NHSL1: variants seen among roughly 807,000 people sequenced by gnomAD.
The protein encoded by NHSL1 is NHS like 1, also known as NHS-like protein 1.
Under a neutral mutation model 95.0 loss-of-function variants are expected in NHSL1, and 48 were observed. The ratio of observed to expected loss-of-function variants is 0.51; its 90% CI spans 0.40 to 0.64. The LOEUF is 0.64. NHSL1 is among the 30% of genes least tolerant of loss of function. NHSL1 has a pLI of 0.00. For missense variants in NHSL1, 1,971 were observed against 2,077.7 expected, an observed-to-expected ratio of 0.95 and a Z score of 1.00; for synonymous variants, 783 against 833.9, an observed-to-expected ratio of 0.94 and a Z score of 1.05.
chr6:138,661,891 T>C (rs985469239), intron 1 of NHSL1, among the ~76,000 whole-genome samples: 9 of 151,962 alleles, frequency 5.9e-5, no homozygotes, highest in African/African-American at 2.2e-4. Flanking sequence ...GGTAACAAAA[T>C]AAGACTCTGT....
upstream of NHSL1, among the ~76,000 whole-genome samples, chr6:138,573,066 GATCCTCCTCTGCCGT>G (rs1437115180): frequency 1.3e-5 from 2 of 152,120 alleles, no homozygotes; most frequent in African/African-American, 4.8e-5. Context: ...TGTGGGGCTG[GATCCTCCTCTGCCGT>G]ATCACTGGGA....
chr6:138,471,689 A>T (rs553500965), intron 3 of NHSL1, among the ~76,000 whole-genome samples: 1 of 152,216 alleles, frequency 6.6e-6, no homozygotes, highest in African/African-American at 2.4e-5. Flanking sequence ...GCACAGCAGG[A>T]TGACTACAAT....
chr6:138,455,484 TCCC>T, intron 3 of NHSL1, among the ~76,000 whole-genome samples: 1 of 16,252 alleles, frequency 6.2e-5, no homozygotes, highest in East Asian at 7.1e-4. Flanking sequence ...CTTCACATGC[TCCC>T]TGCAAGGAGC....
chr6:138,572,847 G>GTACATAGATAGATAGATAGA (rs1554253745), upstream of NHSL1, among the ~76,000 whole-genome samples: 1 of 149,738 alleles, frequency 6.7e-6, no homozygotes, highest in East Asian at 2.0e-4. Context: ...GCTTAATACA[G>GTACATAGATAGATAGATAGA]TAGATAGATA....
chr6:138,467,255 C>A (rs531817603), intron 3 of NHSL1, among the ~76,000 whole-genome samples: 128 of 152,058 alleles, frequency 8.4e-4, no homozygotes, highest in Middle Eastern at 3.4e-3. Flanking sequence ...CGGGTTCACG[C>A]CATTCTCCTG....
rs549989859 is a variant in NHSL1 at position 138,450,404 on chromosome 6, G to A, written c.340-3211C>T. Among the ~76,000 whole-genome samples the A allele has an allele frequency of 1.1e-4, 16 of 152,304 alleles. No individual in the cohort carries two copies. In the South Asian group the frequency reaches 3.3e-3, roughly 32 times the overall value. On this transcript the variant is annotated intron_variant, in intron 3 of 7. Transcript: ENST00000343505. ...TAAGAAGCAAATCCTAACCAGAAAGGTTTAAAAGAAAGAAAAGTAAAGCTT... is the reference window on the plus strand; with the variant it reads ...TAAGAAGCAAATCCTAACCAGAAAGATTTAAAAGAAAGAAAAGTAAAGCTT...
chr6:138,530,101 A>G (rs1562351711), intron 1 of NHSL1, among the ~76,000 whole-genome samples: 1 of 152,180 alleles, frequency 6.6e-6, no homozygotes, highest in Non-Finnish European at 1.5e-5. Flanking sequence ...TTAAAATCTT[A>G]ATCCCCAATG....
chr6:138,568,232 T>G (rs928458328), intron 1 of NHSL1, among the ~76,000 whole-genome samples: 3 of 152,194 alleles, frequency 2.0e-5, no homozygotes, highest in African/African-American at 7.2e-5. Context: ...GTTGCACTTT[T>G]TCACAATTAT....
chr6:138,482,192 T>C (rs1484085373), intron 2 of NHSL1, among the ~76,000 whole-genome samples: 1 of 152,190 alleles, frequency 6.6e-6, no homozygotes, highest in African/African-American at 2.4e-5. Flanking sequence ...CTCACGCCTG[T>C]AATCCCAACA....
chr6:138,616,996 A>G (rs1784588689), intron 1 of NHSL1, among the ~76,000 whole-genome samples: 1 of 152,250 alleles, frequency 6.6e-6, no homozygotes, highest in Non-Finnish European at 1.5e-5. Flanking sequence ...TAGGAAATGC[A>G]GAAGTAGCCT....
At position 138,670,493 on chromosome 6, in the gene NHSL1, C is replaced by T. The variant is rs374387328; in HGVS notation, c.96+21983G>A. On this transcript the variant is annotated intron_variant, in intron 1 of 3. Transcript: ENST00000491526. ...CATCCCGGCTAAAACGGTGAAACCC[C>T]GTCTCTACTAAAAATACAAAAAATT... 9.4e-3 allele frequency among the ~76,000 whole-genome samples: 1,426 copies of T among 151,024 alleles called. 22 individuals are homozygous for T. The highest frequency in any genetic ancestry group is 0.031 in the African/African-American group (1,261 of 41,198).
At chr6:138,590,710 T>C (rs7753036) in intron 1 of NHSL1, among the ~76,000 whole-genome samples, 136,908 of 152,238 alleles carry the variant, frequency 0.9, 61,861 homozygotes, top group East Asian at 1. Flanking sequence ...ATTGGGAGAA[T>C]CGGCATAGTA....
chr6:138,523,996 G>C (rs1282654860), intron 1 of NHSL1, among the ~76,000 whole-genome samples: 2 of 152,206 alleles, frequency 1.3e-5, no homozygotes, highest in African/African-American at 4.8e-5. Flanking sequence ...TGAGATGTGT[G>C]AGCTGTGATT....
intron 1 of NHSL1, among the ~76,000 whole-genome samples, chr6:138,561,193 A>G (rs1188809133): frequency 6.6e-6 from 1 of 152,234 alleles, no homozygotes; most frequent in African/African-American, 2.4e-5. Context: ...CAAACCTACA[A>G]TACTACAAGT....
chr6:138,563,275 G>A (rs1171800121), intron 1 of NHSL1, among the ~76,000 whole-genome samples: 1 of 152,136 alleles, frequency 6.6e-6, no homozygotes, highest in African/African-American at 2.4e-5. Flanking sequence ...CTAAATATTA[G>A]CTATTGTTAA....
intron 1 of NHSL1, among the ~76,000 whole-genome samples, chr6:138,592,109 A>G (rs1201754362): frequency 6.6e-6 from 1 of 152,224 alleles, no homozygotes; most frequent in Admixed American, 6.5e-5. Flanking sequence ...GAATTTAATT[A>G]TCACCCTCAA....
intron 1 of NHSL1, among the ~76,000 whole-genome samples, chr6:138,657,876 AC>A (rs2114725178): frequency 6.7e-6 from 1 of 150,314 alleles, no homozygotes; most frequent in African/African-American, 2.4e-5. Context: ...CAATGAGAAA[AC>A]AACTGCCAAA....
chr6:138,423,834 A>C lies in NHSL1; in HGVS notation c.*247T>G, dbSNP rs1775064146. On this transcript the variant is annotated 3_prime_UTR_variant, in exon 8 of 8. Transcript: ENST00000343505. ...ATTTAGCAAAAAAAAAAAAAAAAAA[A>C]AAAAATCTTCCCCGGGAAGCACTTT... The C allele has an allele frequency of 3.0e-6, 1 of 334,532 alleles. No individual in the cohort carries two copies. The highest frequency in any genetic ancestry group is 5.3e-6 in the Non-Finnish European group (1 of 187,066). The allele number at this position is 334,532 out of a possible 1,614,324, so 20.7% of individuals were successfully genotyped here.
At chr6:138,521,956 G>A (rs879603638) in intron 1 of NHSL1, among the ~76,000 whole-genome samples, 5 of 152,206 alleles carry the variant, frequency 3.3e-5, no homozygotes, top group Non-Finnish European at 5.9e-5. Context: ...AGCCTTGGAG[G>A]AGGCCCAGAA....
Sources: gnomAD v4.1 joint callset for allele counts (sites outside exome capture counted in the v4.1 genomes callset) on GRCh38, gnomAD v4.1.1 for gene constraint, MANE v1.5 for transcripts, NCBI Gene and HGNC (gene_info 2026-07-23, HGNC 2026-07-21) for gene names.